NCOR2: variants seen among roughly 807,000 people sequenced by gnomAD.
The protein encoded by NCOR2 is nuclear receptor corepressor 2, also known as CTG repeat protein 26.
A neutral mutation model predicts 262.9 loss-of-function variants in NCOR2; 81 were observed. The ratio of observed to expected loss-of-function variants is 0.31; its 90% CI spans 0.26 to 0.37. The LOEUF (loss-of-function observed/expected upper bound fraction) is 0.37, where lower values mean the gene tolerates loss of function less well. Among genes scored for constraint, NCOR2 ranks in the 10% least tolerant of loss-of-function variants. The pLI is 1.00. For missense variants in NCOR2, 3,385 were observed against 3,621.4 expected, an observed-to-expected ratio of 0.93 and a Z score of 1.68; for synonymous variants, 1,659 against 1,559.3, an observed-to-expected ratio of 1.06 and a Z score of -1.51.
chr12:124,363,584 A>G, intron 21 of NCOR2, 95 bp downstream of exon 23: 1 of 1,111,666 alleles, frequency 9.0e-7, no homozygotes, highest in Non-Finnish European at 1.2e-6. Context: ...GCTAGGCTGC[A>G]GGTGCATGCT....
intron 1 of NCOR2, among the ~76,000 whole-genome samples, chr12:124,543,749 C>T (rs1417082077): frequency 3.9e-5 from 6 of 152,156 alleles, no homozygotes; most frequent in Non-Finnish European, 8.8e-5. Context: ...TGGCCAAGCA[C>T]GGGCCACGAC....
rs758223967 is a variant in NCOR2, at chr12:124,378,344, G to A, written c.2060C>T (p.Pro687Leu). 99 of 1,613,656 alleles carry A rather than the reference G, an allele frequency of 6.1e-5. No individual in the cohort carries two copies. The highest frequency in any genetic ancestry group is 7.7e-5 in the South Asian group (7 of 91,074). The change falls in exon 18 of 47, where the codon CCG becomes CTG. Residue 687 changes from proline (P) to leucine (L), a missense_variant. This residue lies in a region of NCOR2 where 515 missense variants were observed against 781.2 expected (regional missense o/e 0.66). Coordinates refer to ENST00000405201, the Ensembl canonical transcript of NCOR2. This position sits in a 1 kb window ranked among gnomAD's most constrained non-coding sequence, Gnocchi z 4.2. The stretch of plus-strand genomic sequence containing the variant: ...TGCAGCCTCCTCGCTGGCCGCCGCC[G>A]GCGCTTTCTTCTTCTTCCTCCGCGC...
rs188673506 is a variant in NCOR2 at position 124,517,361 on chromosome 12, C to T, written c.-118+18204G>A. Among the ~76,000 whole-genome samples, 279 of 152,328 alleles carry T rather than the reference C, an allele frequency of 1.8e-3. No individual in the cohort carries two copies. The highest frequency in any genetic ancestry group is 6.3e-3 in the African/African-American group (262 of 41,574). On this transcript the variant is annotated intron_variant, in intron 1 of 46. Transcript: ENST00000404621. The surrounding 1 kb of genome is among the most constrained non-coding windows in gnomAD (Gnocchi z 7.6). ...AGGACAAATCACTCCCTCATCCCCC[C>T]GGTTTGCAACTAAAGGCTCCTTGTG...
At chr12:124,346,303 C>T (rs532316111) in intron 31 of NCOR2, among the ~76,000 whole-genome samples, 27 of 152,330 alleles carry the variant, frequency 1.8e-4, no homozygotes, top group African/African-American at 6.3e-4. Context: ...TGGAAGCCTG[C>T]CTGGCCTCTC....
At chr12:124,478,628 GAGCAA>G in intron 3 of NCOR2, among the ~76,000 whole-genome samples, 1 of 152,052 alleles carries the variant, frequency 6.6e-6, no homozygotes, top group Non-Finnish European at 1.5e-5. Flanking sequence ...TCACGGCCTG[GAGCAA>G]TTACTGCGGC....
chr12:124,357,927 G>A (rs1448833683), intron 22 of NCOR2, among the ~76,000 whole-genome samples: 1 of 151,426 alleles, frequency 6.6e-6, no homozygotes, highest in South Asian at 2.1e-4. Context: ...GCGCACGTGC[G>A]TGCATGTGTG....
chr12:124,396,923 C>T (rs1257661858), intron 16 of NCOR2, among the ~76,000 whole-genome samples: 1 of 152,230 alleles, frequency 6.6e-6, no homozygotes, highest in Non-Finnish European at 1.5e-5. Flanking sequence ...CGACCTGGAG[C>T]TTTCTGCACA....
intron 1 of NCOR2, among the ~76,000 whole-genome samples, chr12:124,520,033 C>T (rs1327923925): frequency 1.3e-5 from 2 of 152,200 alleles, no homozygotes; most frequent in East Asian, 1.9e-4. Context: ...GACAGGGGCC[C>T]GTGGCCACTG....
chr12:124,363,889 C>T, intron 20 of NCOR2, 90 bp from the exon 23 acceptor site: 2 of 1,157,050 alleles, frequency 1.7e-6, no homozygotes, highest in Non-Finnish European at 2.2e-6. Context: ...CCTCTCCTGT[C>T]TCAAGCCCTG....
intron 1 of NCOR2, among the ~76,000 whole-genome samples, chr12:124,525,745 C>T (rs1422264242): frequency 6.6e-6 from 1 of 152,194 alleles, no homozygotes; most frequent in Non-Finnish European, 1.5e-5. Context: ...GTGGCACCTG[C>T]ACCATCCACA....
At chr12:124,456,941 G>A (rs918842975) in intron 6 of NCOR2, among the ~76,000 whole-genome samples, 165 bp downstream of exon 8, 18 of 120,614 alleles carry the variant, frequency 1.5e-4, no homozygotes, top group African/African-American at 2.2e-4. Context: ...GCTATCTGCC[G>A]TCCTCTCATC....
intron 7 of NCOR2, among the ~76,000 whole-genome samples, chr12:124,445,486 A>AT (rs1204489284): frequency 6.6e-6 from 1 of 152,212 alleles, no homozygotes; most frequent in Non-Finnish European, 1.5e-5. Context: ...CAAGCGTGAA[A>AT]TTAACTTTCA....
intron 11 of NCOR2, 130 bp from the exon 14 acceptor site, chr12:124,422,685 T>A: frequency 1.2e-5 from 12 of 983,194 alleles, no homozygotes; most frequent in East Asian, 2.9e-5. Flanking sequence ...TTGGAGCAAT[T>A]AAGCCCAGGG....
intron 3 of NCOR2, among the ~76,000 whole-genome samples, chr12:124,476,588 A>G (rs865789400): frequency 6.6e-6 from 1 of 152,242 alleles, no homozygotes; most frequent in African/African-American, 2.4e-5. Context: ...CAGGGCTAAC[A>G]GGCAGCACCA....
chr12:124,347,982 T>G (rs923922820), intron 29 of NCOR2, 71 bp from the exon 32 acceptor site: 15 of 1,503,932 alleles, frequency 1.0e-5, no homozygotes, highest in East Asian at 9.8e-5. Context: ...CAGGGGTCAG[T>G]GTTTACAGCC....
intron 13 of NCOR2, among the ~76,000 whole-genome samples, chr12:124,415,236 G>A (rs1189808186): frequency 6.6e-6 from 1 of 152,200 alleles, no homozygotes; most frequent in Non-Finnish European, 1.5e-5. Flanking sequence ...CCTCCCGTCC[G>A]TCACCGCAGC....
At position 124,356,183 on chromosome 12, in the gene NCOR2, G is replaced by A. The variant is rs182885414; in HGVS notation, c.3241+459C>T. Among the ~76,000 whole-genome samples the A allele has an allele frequency of 4.0e-4, 61 of 152,316 alleles. 1 individual carries two copies. The highest frequency in any genetic ancestry group is 3.4e-3 in the Middle Eastern group (1 of 294). ...CTCCCTTGGCCCACGCATCCCTCGG[G>A]ACCAGCCTTTACCAACAGCAGTCTG... On this transcript the variant is annotated intron_variant, in intron 23 of 46. Transcript: ENST00000405201.
intron 33 of NCOR2, 33 bp from the exon 36 acceptor site, chr12:124,342,107 G>C (rs1180499867): frequency 3.8e-6 from 6 of 1,584,380 alleles, no homozygotes; most frequent in Non-Finnish European, 5.2e-6. Context: ...TGTGAGGCCA[G>C]CCATACCTAG....
chr12:124,348,413 T>A, intron 28 of NCOR2, 99 bp from the exon 31 acceptor site: 1 of 1,429,190 alleles, frequency 7.0e-7, no homozygotes, highest in South Asian at 1.4e-5. Flanking sequence ...GAGCCAGCAG[T>A]GCTTCCATGC....
Sources: allele counts gnomAD v4.1 joint callset (sites outside exome capture counted in the v4.1 genomes callset), GRCh38; gene constraint gnomAD v4.1.1; regional missense constraint gnomAD v4.1.1; non-coding constraint Gnocchi (gnomAD v3.1); transcripts MANE v1.5; gene names NCBI Gene and HGNC (gene_info 2026-07-23, HGNC 2026-07-21).